The following ANKRD44 variants were observed in gnomAD, a reference collection of about 807,000 sequenced individuals.
The protein encoded by ANKRD44 is ankyrin repeat domain 44.
ANKRD44 carries 35 observed loss-of-function variants against 116.0 expected under a neutral mutation model. The observed-to-expected ratio is 0.30, with a 90% CI of 0.23 to 0.40. ANKRD44 has a LOEUF of 0.40. Ranked by LOEUF, ANKRD44 falls within the 10% of genes least tolerant of loss-of-function variation. The pLI, the probability that ANKRD44 is intolerant of heterozygous loss-of-function variation, is 1.00. For missense variants in ANKRD44, 1,014 were observed against 1,242.6 expected (o/e 0.82, Z 2.77); for synonymous variants, 435 against 461.8 (o/e 0.94, Z 0.74).
chr2:197,121,403 C>T lies in ANKRD44; in HGVS notation c.835G>A (p.Ala279Thr). The T allele has an allele frequency of 6.2e-7, 1 of 1,614,174 alleles. No individual in the cohort carries two copies. The highest frequency in any genetic ancestry group is 8.5e-7 in the Non-Finnish European group (1 of 1,180,048). ...AAAGCACCATGAGTGGAGGCAGCAG[C>T]AAAATGCAAAGGGGTGAACCCATTA... ...NNNGFTPLHF[A>T]AASTHGALCL... Residue 279 changes from alanine (A) to threonine (T), a missense_variant, in exon 8 of 28, where the codon GCT becomes ACT. Coordinates refer to ENST00000282272, the MANE Select transcript of ANKRD44 (RefSeq NM_001195144.2).
At chr2:197,267,656 C>T (rs1432325210) in intron 1 of ANKRD44, among the ~76,000 whole-genome samples, 1 of 152,154 alleles carries the variant, frequency 6.6e-6, no homozygotes, top group Non-Finnish European at 1.5e-5. Flanking sequence ...GGCACTTGCT[C>T]CATGAGACAG....
intron 1 of ANKRD44, among the ~76,000 whole-genome samples, chr2:197,254,813 T>C (rs765480296): frequency 6.6e-6 from 1 of 152,112 alleles, no homozygotes; most frequent in African/African-American, 2.4e-5. Flanking sequence ...CTTCTAAAAC[T>C]AAAGGGGAAA....
intron 27 of ANKRD44, chr2:196,990,537 C>T: frequency 1.6e-6 from 2 of 1,229,062 alleles, no homozygotes; most frequent in African/African-American, 1.6e-5. Context: ...AGCCTCACTG[C>T]CCTCCCTCGA....
intron 1 of ANKRD44, among the ~76,000 whole-genome samples, chr2:197,218,751 C>CTTTTTTTTTTTTTTTTTTTTTTTTTTTT (rs138330364): frequency 5.7e-5 from 3 of 52,346 alleles, no homozygotes; most frequent in Admixed American, 3.0e-4. Flanking sequence ...GGTAAAGTCC[C>CTTTTTTTTTTTTTTTTTTTTTTTTTTTT]TTTTTTTTTT....
intron 1 of ANKRD44, among the ~76,000 whole-genome samples, chr2:197,277,297 T>C (rs2083120781): frequency 6.6e-6 from 1 of 151,900 alleles, no homozygotes; most frequent in African/African-American, 2.4e-5. Flanking sequence ...AGCCTAGAGG[T>C]GCTCAGAGTC....
intron 1 of ANKRD44, among the ~76,000 whole-genome samples, chr2:197,270,534 T>G (rs990785585): frequency 2.0e-5 from 3 of 152,122 alleles, no homozygotes; most frequent in Admixed American, 6.5e-5. Context: ...TCTGAAGCCC[T>G]TCAGGGACAT....
Position 197,212,074 on chromosome 2 carries a change from A to ACC in ANKRD44, c.28-24970_28-24969dup, listed in dbSNP as rs769465626. Among the ~76,000 whole-genome samples the ACC allele has an allele frequency of 2.7e-5, 4 of 147,990 alleles. No homozygotes were observed. The highest frequency in any genetic ancestry group is 6.7e-5 in the Admixed American group (1 of 14,826). ...CTCTCACACACACACACACACACACACCCCACAGCACCACTTTGGGGGAAG... is the reference window on the plus strand; with the variant it reads ...CTCTCACACACACACACACACACACACCCCCCACAGCACCACTTTGGGGGAAG... On this transcript the variant is annotated intron_variant, in intron 1 of 27. Coordinates refer to ENST00000282272, the MANE Select transcript of ANKRD44 (RefSeq NM_001195144.2). The surrounding 1 kb of genome is among the most constrained non-coding windows in gnomAD (Gnocchi z 4.8).
At chr2:197,265,247 T>C (rs2082711495) in intron 1 of ANKRD44, among the ~76,000 whole-genome samples, 1 of 142,892 alleles carries the variant, frequency 7.0e-6, no homozygotes, top group East Asian at 2.0e-4. Flanking sequence ...TTTTTTTTTT[T>C]GGTGGGGAGG....
intron 2 of ANKRD44, among the ~76,000 whole-genome samples, chr2:197,161,580 G>A (rs1270567323): frequency 6.6e-6 from 1 of 152,094 alleles, no homozygotes; most frequent in African/African-American, 2.4e-5. Flanking sequence ...AGGACACAGG[G>A]ATATTGCATT....
At chr2:197,134,386 TC>T (rs2079168943) in intron 4 of ANKRD44, 1 of 152,252 alleles carries the variant, frequency 6.6e-6, no homozygotes, top group Non-Finnish European at 1.5e-5. Flanking sequence ...GGCTAGTGAT[TC>T]TTTTTTCCTC....
rs1313566484 is a variant in ANKRD44 at position 197,310,507 on chromosome 2, C to T, written c.27+71G>A. The T allele has an allele frequency of 6.1e-6, 6 of 980,392 alleles. No individual in the cohort carries two copies. The Admixed American group carries it at 1.9e-4, about 30-fold the overall frequency. The allele number at this position is 980,392 out of a possible 1,614,324, so 60.7% of individuals were successfully genotyped here. The stretch of plus-strand genomic sequence containing the variant: ...CTCGCGGGCGCGCTCCAGCCGCGCC[C>T]CCATCCCCCCGCCGGGCTCCGCGCC... On this transcript the variant is annotated intron_variant, in intron 1 of 27. Coordinates refer to ENST00000282272, the MANE Select transcript of ANKRD44 (RefSeq NM_001195144.2).
In ANKRD44 at chr2:197,169,851, C is replaced by T. The variant is rs566558829; in HGVS notation, c.111+17172G>A. Among the ~76,000 whole-genome samples the T allele has an allele frequency of 3.9e-5, 6 of 152,134 alleles. No homozygotes were observed. In the East Asian group the frequency reaches 1.2e-3, roughly 29 times the overall value. On this transcript the variant is annotated intron_variant, in intron 2 of 27. Transcript: ENST00000282272. Reference sequence around the variant, plus strand: ...GAGCAGTATGTCTCGAGGTATATTCCACTGGCTCTGAGGGATCATCCCAGC... The same window carrying T: ...GAGCAGTATGTCTCGAGGTATATTCTACTGGCTCTGAGGGATCATCCCAGC...
chr2:197,115,407 T>C (rs79685600), intron 8 of ANKRD44, among the ~76,000 whole-genome samples: 3,751 of 152,346 alleles, frequency 0.025, 148 homozygotes, highest in African/African-American at 0.085. Context: ...AAACCATCAA[T>C]TGATTATTGT....
chr2:197,220,976 A>T (rs1323457699), intron 1 of ANKRD44, among the ~76,000 whole-genome samples: 1 of 152,154 alleles, frequency 6.6e-6, no homozygotes, highest in Non-Finnish European at 1.5e-5. Context: ...GAGGTCGGGC[A>T]CAGTGGCTCA....
intron 1 of ANKRD44, among the ~76,000 whole-genome samples, chr2:197,257,737 A>C (rs1299516419): frequency 2.6e-5 from 4 of 152,142 alleles, no homozygotes; most frequent in Non-Finnish European, 5.9e-5. Flanking sequence ...AAAAAGTAAA[A>C]ATTTTTTAAT....
At chr2:197,015,744 G>A (rs759277875) in intron 17 of ANKRD44, 5 of 544,760 alleles carry the variant, frequency 9.2e-6, no homozygotes, top group Admixed American at 5.1e-5. Flanking sequence ...GTGGTAGAGG[G>A]GGCTATGGTG....
chr2:197,088,569 TATAAC>T (rs1373421937), intron 12 of ANKRD44, 137 bp downstream of exon 12: 18 of 518,784 alleles, frequency 3.5e-5, no homozygotes, highest in East Asian at 2.0e-4. Context: ...GATGTGGAAA[TATAAC>T]ATAGTGATAT....
intron 21 of ANKRD44, among the ~76,000 whole-genome samples, chr2:196,980,194 A>G (rs1468904804): frequency 6.6e-6 from 1 of 152,178 alleles, no homozygotes; most frequent in Non-Finnish European, 1.5e-5. Context: ...CATTTTTAGC[A>G]CTGATGCCAA....
intron 2 of ANKRD44, among the ~76,000 whole-genome samples, chr2:197,150,726 T>TA (rs1373803714): frequency 6.6e-6 from 1 of 151,870 alleles, no homozygotes; most frequent in East Asian, 1.9e-4. Flanking sequence ...GGAGGGTAAA[T>TA]AGAGAACCAA....
Sources: allele counts gnomAD v4.1 joint callset (sites outside exome capture counted in the v4.1 genomes callset), GRCh38; gene constraint gnomAD v4.1.1; non-coding constraint Gnocchi (gnomAD v3.1); transcripts MANE v1.5; gene names NCBI Gene and HGNC (gene_info 2026-07-23, HGNC 2026-07-21).